The following NPSR1 variants were observed in gnomAD, a reference collection of about 807,000 sequenced individuals.
NPSR1 encodes the protein neuropeptide S receptor 1, also known as neuropeptide S receptor.
In NPSR1, 48 loss-of-function variants were observed where a neutral mutation model predicts 46.9. That is an observed-to-expected ratio of 1.02 (90% CI 0.81 to 1.30). The LOEUF (loss-of-function observed/expected upper bound fraction) is 1.30. NPSR1 is among the 50% of genes most tolerant of loss of function. NPSR1 has a pLI of 0.00. For missense variants in NPSR1, 450 were observed against 449.5 expected, an observed-to-expected ratio of 1.00 and a Z score of -0.01; for synonymous variants, 176 against 168.1, an observed-to-expected ratio of 1.05 and a Z score of -0.36.
At chr7:34,718,768 TA>T (rs1278059364) in intron 2 of NPSR1, 1 of 152,224 alleles carries the variant, frequency 6.6e-6, no homozygotes, top group Admixed American at 6.5e-5. Flanking sequence ...GACTGAGAAG[TA>T]GCAGGATCTG....
intron 2 of NPSR1, among the ~76,000 whole-genome samples, chr7:34,747,248 G>A (rs1335312749): frequency 1.3e-5 from 2 of 152,078 alleles, no homozygotes; most frequent in East Asian, 3.9e-4. Flanking sequence ...ACAAGCAAGG[G>A]CATCTGTAAC....
intron 2 of NPSR1, among the ~76,000 whole-genome samples, chr7:34,752,299 G>T (rs1174749262): frequency 6.6e-6 from 1 of 152,078 alleles, no homozygotes; most frequent in African/African-American, 2.4e-5. Context: ...GTGCTGGGGG[G>T]ATTACCCTTA....
chr7:34,829,631 G>A (rs1169454238), intron 5 of NPSR1, among the ~76,000 whole-genome samples: 1 of 152,224 alleles, frequency 6.6e-6, no homozygotes, highest in South Asian at 2.1e-4. Flanking sequence ...TCAGCAGAGT[G>A]GATGCTGCAG....
intron 1 of NPSR1, among the ~76,000 whole-genome samples, chr7:34,667,000 T>A (rs897676798): frequency 6.6e-6 from 1 of 152,214 alleles, no homozygotes; most frequent in Non-Finnish European, 1.5e-5. Flanking sequence ...TATGTAATTT[T>A]ATGAAAAAAT....
rs748814300 is a variant in NPSR1 at position 34,849,663 on chromosome 7, G to A, written c.*8G>A. 20 of 1,613,956 alleles carry A rather than the reference G, an allele frequency of 1.2e-5. No individual in the cohort carries two copies. The South Asian group carries it at 2.2e-4, about 18-fold the overall frequency. ...AAGCCAGAATTCATCTAGACCCTAGGGCAGTGCCAGTGCTAGGCTGAGCAC... is the reference window on the plus strand; with the variant it reads ...AAGCCAGAATTCATCTAGACCCTAGAGCAGTGCCAGTGCTAGGCTGAGCAC... On this transcript the variant is annotated 3_prime_UTR_variant, in exon 9 of 9. Coordinates refer to ENST00000360581, the MANE Select transcript of NPSR1 (RefSeq NM_207172.2).
chr7:34,823,659 T>A (rs1341615875), intron 4 of NPSR1, among the ~76,000 whole-genome samples: 1 of 152,082 alleles, frequency 6.6e-6, no homozygotes, highest in East Asian at 1.9e-4. Context: ...ATAAATCTTC[T>A]GTTTCTAAGA....
chr7:34,798,632 T>C (rs1042690009), intron 3 of NPSR1, among the ~76,000 whole-genome samples: 5 of 152,204 alleles, frequency 3.3e-5, no homozygotes, highest in African/African-American at 1.2e-4. Context: ...TGGATCTAAT[T>C]GGCATTTGTA....
intron 2 of NPSR1, chr7:34,685,925 A>G (rs973943160): frequency 1.3e-4 from 31 of 243,018 alleles, no homozygotes; most frequent in Non-Finnish European, 2.5e-4. Context: ...TCACTCCTAT[A>G]ACCGTAGAAG....
chr7:34,667,279 C>T (rs1416175677), intron 1 of NPSR1, among the ~76,000 whole-genome samples: 1 of 152,182 alleles, frequency 6.6e-6, no homozygotes, highest in African/African-American at 2.4e-5. Flanking sequence ...AACCACCATC[C>T]CTGCCTGGAT....
At chr7:34,748,888 T>A (rs1315803140) in intron 2 of NPSR1, among the ~76,000 whole-genome samples, 1 of 152,108 alleles carries the variant, frequency 6.6e-6, no homozygotes, top group Non-Finnish European at 1.5e-5. Flanking sequence ...CCCCAGTACC[T>A]GAATCTGTGA....
intron 8 of NPSR1, among the ~76,000 whole-genome samples, chr7:34,869,740 A>G (rs1791406250): frequency 6.6e-6 from 1 of 151,788 alleles, no homozygotes; most frequent in Admixed American, 6.6e-5. Flanking sequence ...CCAAAGACCA[A>G]AAGTCCCTGA....
chr7:34,843,015 A>G (rs777154828), intron 6 of NPSR1, among the ~76,000 whole-genome samples: 2 of 151,998 alleles, frequency 1.3e-5, no homozygotes, highest in Admixed American at 6.6e-5. Context: ...CACCTCTCCT[A>G]TTCCCACGCT....
chr7:34,876,334 C>T (rs908447126), intron 8 of NPSR1, among the ~76,000 whole-genome samples: 1 of 152,152 alleles, frequency 6.6e-6, no homozygotes, highest in African/African-American at 2.4e-5. Flanking sequence ...ATCTCATTTT[C>T]CTGGTCTGCA....
intron 2 of NPSR1, among the ~76,000 whole-genome samples, chr7:34,692,019 A>ACTTGC (rs1793288456): frequency 1.3e-5 from 2 of 152,186 alleles, no homozygotes; most frequent in Non-Finnish European, 2.9e-5. Context: ...TAGTCTAAGC[A>ACTTGC]ACTTGCAAGG....
At chr7:34,742,716 T>C (rs1027570116) in intron 2 of NPSR1, among the ~76,000 whole-genome samples, 3 of 152,250 alleles carry the variant, frequency 2.0e-5, no homozygotes, top group African/African-American at 7.2e-5. Flanking sequence ...ATGGTAGCCC[T>C]GCTTTCATCT....
rs1162163885 is a variant in NPSR1, at chr7:34,787,436, G to A, written c.384+8871G>A. Among the ~76,000 whole-genome samples, 3 of 152,064 alleles carry A rather than the reference G, an allele frequency of 2.0e-5. No individual in the cohort carries two copies. The East Asian group carries it at 5.8e-4, about 29-fold the overall frequency. On this transcript the variant is annotated intron_variant, in intron 3 of 8. Transcript: ENST00000360581. ...AAAACTTTCTCCATATCAGCAGTAAGCTTGTTTCATTTTCTTGTAATTTGT... is the reference window on the plus strand; with the variant it reads ...AAAACTTTCTCCATATCAGCAGTAAACTTGTTTCATTTTCTTGTAATTTGT...
intron 2 of NPSR1, among the ~76,000 whole-genome samples, chr7:34,701,054 G>A (rs922037746): frequency 1.3e-5 from 2 of 152,142 alleles, no homozygotes; most frequent in Non-Finnish European, 2.9e-5. Flanking sequence ...AATACACTTT[G>A]CTCAGGTGTG....
At chr7:34,759,868 G>C (rs1786072953) in intron 2 of NPSR1, among the ~76,000 whole-genome samples, 2 of 152,182 alleles carry the variant, frequency 1.3e-5, no homozygotes, top group Non-Finnish European at 2.9e-5. Context: ...CAAATTTCCT[G>C]CACAGGACCA....
At chr7:34,863,345 A>G (rs1275932422) in intron 8 of NPSR1, among the ~76,000 whole-genome samples, 2 of 151,882 alleles carry the variant, frequency 1.3e-5, no homozygotes, top group Non-Finnish European at 2.9e-5. Flanking sequence ...CTAAAACACC[A>G]AAAGCAAAGG....
Sources: gnomAD v4.1 joint callset for allele counts (sites outside exome capture counted in the v4.1 genomes callset) on GRCh38, gnomAD v4.1.1 for gene constraint, MANE v1.5 for transcripts, NCBI Gene and HGNC (gene_info 2026-07-23, HGNC 2026-07-21) for gene names.